Variants in DEPDC1 observed in about 807,000 individuals in gnomAD.
DEPDC1 encodes DEP domain-containing protein 1A.
DEPDC1 carries 66 observed loss-of-function variants against 86.8 expected under a neutral mutation model. The ratio of observed to expected loss-of-function variants is 0.76; its 90% CI spans 0.62 to 0.93. DEPDC1 has a LOEUF of 0.93. DEPDC1 is among the 40% of genes least tolerant of loss of function. The pLI is 0.00. For synonymous variants in DEPDC1, 255 were observed against 314.9 expected (o/e 0.81, Z 2.02); for missense variants, 792 against 935.7 (o/e 0.85, Z 2.00).
rs542677823 is a variant in DEPDC1, at chr1:68,484,055, C to T, written c.805G>A (p.Val269Ile). Residue 269 changes from valine (V) to isoleucine (I), a missense_variant, in exon 7 of 12, where the codon GTT (valine) becomes ATT (isoleucine). Transcript: ENST00000456315. ...RSNDMNNPTY[V>I]GFERDVFRTI... ...CTGAATACATCTCGTTCAAATCCAA[C>T]ATAAGTTGGATTATTCATATCATTG... 1.9e-6 allele frequency: 3 copies of T among 1,584,934 alleles called. No homozygotes were observed. The highest frequency in any genetic ancestry group is 1.2e-5 in the South Asian group (1 of 85,538).
chr1:68,489,742 A>C (rs1390598847), intron 2 of DEPDC1, 134 bp from the exon 3 acceptor site: 1 of 592,876 alleles, frequency 1.7e-6, no homozygotes, highest in African/African-American at 2.0e-5. Context: ...TAGACAAATA[A>C]ATTTTCCCAT....
chr1:68,488,548 ATTAT>A, intron 4 of DEPDC1, 44 bp from the exon 5 acceptor site: 1 of 1,494,236 alleles, frequency 6.7e-7, no homozygotes, highest in East Asian at 2.4e-5. Flanking sequence ...TCATAAATAG[ATTAT>A]ACATATGAAT....
chr1:68,482,283 T>C lies in DEPDC1; in HGVS notation c.1525A>G (p.Arg509Gly), dbSNP rs771976832. 1.2e-5 allele frequency: 19 copies of C among 1,612,836 alleles called. No individual in the cohort carries two copies. Among genetic ancestry groups the C allele is most frequent in the Admixed American group, 1.7e-5 (1 of 59,814 alleles). The change falls in exon 8 of 12, where the codon AGG (arginine) becomes GGG (glycine). Residue 509 changes from arginine (R) to glycine (G), a missense_variant. Physicochemically the swap from Arg to Gly is moderately radical, Grantham distance 125. Coordinates refer to ENST00000456315, the MANE Select transcript of DEPDC1 (RefSeq NM_001114120.3). ...NGKCKSKQLCRSQSLLLRSST... is the reference protein window; with the variant it reads ...NGKCKSKQLCGSQSLLLRSST... The stretch of plus-strand genomic sequence containing the variant: ...CTTCTTAAAAGCAAACTCTGAGACC[T>C]ACAAAGCTGTTTTGACTTGCATTTC...
chr1:68,479,187 TGTAA>T lies in DEPDC1; in HGVS notation c.2065_2068del (p.Leu689ArgfsTer11), dbSNP rs760374659. The stretch of plus-strand genomic sequence containing the variant: ...GTCAAGATGTTTTTCCACTGCAGTC[TGTAA>T]GTAAGAGGGTACTTGAAGAATTTCC... On this transcript the variant is annotated frameshift_variant, in exon 10 of 12. Coordinates refer to ENST00000456315, the MANE Select transcript of DEPDC1 (RefSeq NM_001114120.3). LOFTEE classifies it high-confidence loss of function. The T allele has an allele frequency of 8.1e-6, 13 of 1,611,508 alleles. No homozygotes were observed. In the Admixed American group the frequency reaches 8.4e-5, roughly 10 times the overall value.
chr1:68,479,436 T>A, intron 9 of DEPDC1, 116 bp from the exon 10 acceptor site: 1 of 708,550 alleles, frequency 1.4e-6, no homozygotes, highest in African/African-American at 1.8e-5. Context: ...TAAGCAGCCC[T>A]CAGTTTAAAA....
rs1037412858 is a variant in DEPDC1, at chr1:68,496,344, T to C, written c.48+608A>G. On this transcript the variant is annotated intron_variant, in intron 1 of 11. Transcript: ENST00000456315. This position sits in a 1 kb window ranked among gnomAD's most constrained non-coding sequence, Gnocchi z 4.0. ...ACATAACCAGCACCACAGTATCCTA[T>C]AGAACCGAAGACCCAACTGCACAAA... Among the ~76,000 whole-genome samples the C allele has an allele frequency of 6.6e-6, 1 of 152,124 alleles. No homozygotes were observed. The highest frequency in any genetic ancestry group is 1.5e-5 in the Non-Finnish European group (1 of 68,034).
chr1:68,481,022 T>C (rs1270738782), intron 9 of DEPDC1, among the ~76,000 whole-genome samples: 1 of 152,024 alleles, frequency 6.6e-6, no homozygotes, highest in South Asian at 2.1e-4. Flanking sequence ...TTTCCATTAC[T>C]ATATTCTCTG....
At chr1:68,478,758 T>C (rs1646134026) in intron 10 of DEPDC1, among the ~76,000 whole-genome samples, 1 of 152,066 alleles carries the variant, frequency 6.6e-6, no homozygotes, top group Non-Finnish European at 1.5e-5. Flanking sequence ...ATCTCCATCC[T>C]ACTCACTCTT....
At chr1:68,494,280 C>T in intron 2 of DEPDC1, 150 bp downstream of exon 2, 1 of 726,986 alleles carries the variant, frequency 1.4e-6, no homozygotes, top group Non-Finnish European at 2.1e-6. Flanking sequence ...TACAATTTTT[C>T]TAAATGATTT....
intron 5 of DEPDC1, 94 bp from the exon 6 acceptor site, chr1:68,487,078 A>G: frequency 9.4e-7 from 1 of 1,067,050 alleles, no homozygotes; most frequent in Non-Finnish European, 1.3e-6. Flanking sequence ...ATATATATGT[A>G]TATACACATA....
intron 3 of DEPDC1, 36 bp from the exon 4 acceptor site, chr1:68,489,070 C>T (rs2100265278): frequency 1.5e-6 from 2 of 1,331,684 alleles, no homozygotes; most frequent in Non-Finnish European, 2.1e-6. Flanking sequence ...ATCTGTTATG[C>T]TCAAATTTTT....
chr1:68,495,004 T>C lies in DEPDC1; in HGVS notation c.49-309A>G, dbSNP rs567538247. ...CTAAAAATACAAAATTAGCTGGGCA[T>C]AGTGGTGCATGCCTATAATCCCAGC... On this transcript the variant is annotated intron_variant, in intron 1 of 11. Transcript: ENST00000456315. Among the ~76,000 whole-genome samples the C allele has an allele frequency of 2.8e-4, 43 of 152,244 alleles. 1 individual carries two copies. The South Asian group carries it at 6.6e-3, about 23-fold the overall frequency.
rs1485158313 is a variant in DEPDC1, at chr1:68,496,834, G to T, written c.48+118C>A. The stretch of plus-strand genomic sequence containing the variant: ...TCGCCAGCCTTTTCACTGAACCTAG[G>T]GATCCTGGGACTCATCCCTCCGACC... On this transcript the variant is annotated intron_variant, in intron 1 of 11. Coordinates refer to ENST00000456315, the MANE Select transcript of DEPDC1 (RefSeq NM_001114120.3). The surrounding 1 kb of genome is among the most constrained non-coding windows in gnomAD (Gnocchi z 4.0). 1 of 971,632 alleles carries T rather than the reference G, an allele frequency of 1.0e-6. No individual in the cohort carries two copies. The highest frequency in any genetic ancestry group is 2.0e-5 in the Admixed American group (1 of 48,952). The allele number at this position is 971,632 out of a possible 1,614,324, so 60.2% of individuals were successfully genotyped here. A position where few individuals can be genotyped will look rare whatever the true frequency, so the allele number is the denominator to read the frequency against.
rs541288052 is a variant in DEPDC1 at position 68,492,760 on chromosome 1, C to T, written c.314+1670G>A. 5.9e-5 allele frequency among the ~76,000 whole-genome samples: 9 copies of T among 152,174 alleles called. No individual in the cohort carries two copies. The East Asian group carries it at 1.7e-3, about 29-fold the overall frequency. The stretch of plus-strand genomic sequence containing the variant: ...ATAGCCTAACAAAAAGAAGATTCAT[C>T]TTGGAGAGAGATGTGTACAGATCAG... On this transcript the variant is annotated intron_variant, in intron 2 of 11. Transcript: ENST00000456315.
chr1:68,478,249 A>G (rs1398146176), intron 10 of DEPDC1, among the ~76,000 whole-genome samples: 3 of 151,980 alleles, frequency 2.0e-5, no homozygotes, highest in African/African-American at 4.8e-5. Context: ...AATGTATAGA[A>G]AGGGCTCAGC....
intron 4 of DEPDC1, 40 bp from the exon 5 acceptor site, chr1:68,488,544 A>G: frequency 6.6e-7 from 1 of 1,522,816 alleles, no homozygotes; most frequent in Non-Finnish European, 9.0e-7. Context: ...TTCTTCATAA[A>G]TAGATTATAC....
chr1:68,495,257 C>A (rs1212030197), intron 1 of DEPDC1, among the ~76,000 whole-genome samples: 1 of 152,062 alleles, frequency 6.6e-6, no homozygotes, highest in Non-Finnish European at 1.5e-5. Context: ...GATCTAAGAT[C>A]CTTATTTAAG....
chr1:68,496,686 G>A lies in DEPDC1; in HGVS notation c.48+266C>T. 1 of 409,224 alleles carries A rather than the reference G, an allele frequency of 2.4e-6. No individual in the cohort carries two copies. Among genetic ancestry groups the A allele is most frequent in the Non-Finnish European group, 4.4e-6 (1 of 228,352 alleles). 25.3% of individuals were successfully genotyped at this position (409,224 alleles called of 1,614,324 possible). ...GACGCCGGCCACACCAGGCACAGGAGTCGCTCCTCATAGCGAGTCTGGTGC... is the reference window on the plus strand; with the variant it reads ...GACGCCGGCCACACCAGGCACAGGAATCGCTCCTCATAGCGAGTCTGGTGC... On this transcript the variant is annotated intron_variant, in intron 1 of 11. Coordinates refer to ENST00000456315, the MANE Select transcript of DEPDC1 (RefSeq NM_001114120.3). This position sits in a 1 kb window ranked among gnomAD's most constrained non-coding sequence, Gnocchi z 4.0.
intron 6 of DEPDC1, among the ~76,000 whole-genome samples, chr1:68,485,584 C>A (rs4926344): frequency 0.56 from 85,764 of 151,806 alleles, 25,183 homozygotes; most frequent in Middle Eastern, 0.82. Context: ...TAGACTGAAA[C>A]GAGAAGGAAG....
Sources: allele counts gnomAD v4.1 joint callset (sites outside exome capture counted in the v4.1 genomes callset), GRCh38; gene constraint gnomAD v4.1.1; non-coding constraint Gnocchi (gnomAD v3.1); transcripts MANE v1.5; gene names NCBI Gene and HGNC (gene_info 2026-07-23, HGNC 2026-07-21).